Variants in CANT1 observed in about 807,000 individuals in gnomAD.
The protein encoded by CANT1 is calcium activated nucleotidase 1.
Under a neutral mutation model 30.0 loss-of-function variants are expected in CANT1, and 26 were observed. The ratio of observed to expected loss-of-function variants is 0.87; its 90% CI spans 0.64 to 1.20. The LOEUF (loss-of-function observed/expected upper bound fraction) is 1.20. CANT1 is among the 50% of genes most tolerant of loss of function. The probability of loss-of-function intolerance (pLI) is 0.00; values close to 1 mark genes in which losing one functional copy is unlikely to be tolerated. For synonymous variants in CANT1, 246 were observed against 251.8 expected (o/e 0.98, Z 0.22); for missense variants, 518 against 563.0 (o/e 0.92, Z 0.81).
Position 78,997,683 on chromosome 17 carries a change from C to A in CANT1, c.-22-39G>T. On this transcript the variant is annotated intron_variant, in intron 2 of 4. Coordinates refer to ENST00000392446, the MANE Select transcript of CANT1 (RefSeq NM_001159773.2). This position sits in a 1 kb window ranked among gnomAD's most constrained non-coding sequence, Gnocchi z 7.5. ...GAGGGAGGAGAGGAGTCAGCGCCTC[C>A]GCAAGCCCAGTCACATCTTAGTTCC... 6.8e-7 allele frequency: 1 copy of A among 1,478,310 alleles called. No homozygotes were observed. The highest frequency in any genetic ancestry group is 9.0e-7 in the Non-Finnish European group (1 of 1,111,098). 91.6% of individuals were successfully genotyped at this position (1,478,310 alleles called of 1,614,324 possible). A position where few individuals can be genotyped will look rare whatever the true frequency, so the allele number is the denominator to read the frequency against.
In CANT1 at chr17:78,997,429, G is replaced by A. The variant is rs200811852; in HGVS notation, c.194C>T (p.Ala65Val). The A allele has an allele frequency of 4.0e-4, 650 of 1,606,800 alleles. No homozygotes were observed. The African/African-American group carries it at 8.2e-3, about 20-fold the overall frequency. ...ILWLLCSHRP[A>V]PGRPPTHNAH... ...ATTGTGGGTGGGGGGCCTGCCGGGG[G>A]CCGGGCGGTGGGAGCAGAGCAGCCA... Residue 65 changes from alanine to valine, a missense_variant, in exon 3 of 5, where the codon GCC becomes GTC. Transcript: ENST00000392446. The surrounding 1 kb of genome is among the most constrained non-coding windows in gnomAD (Gnocchi z 7.5).
rs957308195 is a variant in CANT1, at chr17:78,997,908, C to T, written c.-91G>A. 1 of 383,546 alleles carries T rather than the reference C, an allele frequency of 2.6e-6. No individual in the cohort carries two copies. The highest frequency in any genetic ancestry group is 4.7e-6 in the Non-Finnish European group (1 of 213,354). 23.8% of individuals were successfully genotyped at this position (383,546 alleles called of 1,614,324 possible). On this transcript the variant is annotated 5_prime_UTR_variant, in exon 2 of 5. Transcript: ENST00000392446. The surrounding 1 kb of genome is among the most constrained non-coding windows in gnomAD (Gnocchi z 7.5). ...CCATCTCCCCTGTCCCAGCTGGCAACGTGGGAAGCTGAGTGAGGAAGGAAG... is the reference window on the plus strand; with the variant it reads ...CCATCTCCCCTGTCCCAGCTGGCAATGTGGGAAGCTGAGTGAGGAAGGAAG...
intron 1 of CANT1, among the ~76,000 whole-genome samples, chr17:79,009,070 G>A (rs929761439): frequency 3.3e-5 from 5 of 152,184 alleles, no homozygotes; most frequent in South Asian, 2.1e-4. Context: ...TTCCCAGGAG[G>A]GGTGCCCCAC....
At chr17:79,003,783 G>T (rs938486042) in intron 1 of CANT1, among the ~76,000 whole-genome samples, 8 of 151,204 alleles carry the variant, frequency 5.3e-5, no homozygotes, top group African/African-American at 1.9e-4. Context: ...GGGCCTACAG[G>T]GACAGGACCC....
chr17:78,992,990 T>C lies in CANT1; in HGVS notation c.*560A>G, dbSNP rs2070889737. The C allele has an allele frequency of 5.9e-6, 2 of 339,780 alleles. No homozygotes were observed. Among genetic ancestry groups the C allele is most frequent in the East Asian group, 9.2e-5 (2 of 21,636 alleles). The allele number at this position is 339,780 out of a possible 1,614,324, so 21.0% of individuals were successfully genotyped here. On this transcript the variant is annotated 3_prime_UTR_variant, in exon 5 of 5. Transcript: ENST00000392446. ...CAACAGATGTGCCTGCGCCCTGGCCTGTGCAGCTGTGGGCAGATGTGTCCC... is the reference window on the plus strand; with the variant it reads ...CAACAGATGTGCCTGCGCCCTGGCCCGTGCAGCTGTGGGCAGATGTGTCCC...
Position 78,996,186 on chromosome 17 carries a change from G to T in CANT1, c.631+806C>A, listed in dbSNP as rs780457938. Among the ~76,000 whole-genome samples the T allele has an allele frequency of 1.7e-4, 26 of 152,324 alleles. No homozygotes were observed. The highest frequency in any genetic ancestry group is 3.4e-3 in the Middle Eastern group (1 of 294). ...ACTGAAGATTTTATCACCGGGTGTGGGGAGGGCCTGGCCGGCCATGAACTG... is the reference window on the plus strand; with the variant it reads ...ACTGAAGATTTTATCACCGGGTGTGTGGAGGGCCTGGCCGGCCATGAACTG... On this transcript the variant is annotated intron_variant, in intron 3 of 4. Transcript: ENST00000392446. This position sits in a 1 kb window ranked among gnomAD's most constrained non-coding sequence, Gnocchi z 5.1.
chr17:78,997,182 C>T lies in CANT1; in HGVS notation c.441G>A (p.Trp147Ter). The change falls in exon 3 of 5, where the codon TGG (tryptophan) becomes TGA (stop). Residue 147 changes from tryptophan to a stop codon, truncating the protein, a stop_gained. Coordinates refer to ENST00000392446, the MANE Select transcript of CANT1 (RefSeq NM_001159773.2). LOFTEE classifies it high-confidence loss of function. This position sits in a 1 kb window ranked among gnomAD's most constrained non-coding sequence, Gnocchi z 7.5. ...SDSGDKVAVE[W>*]DKDHGVLESH... is the part of the protein sequence containing the mutation. ...ACTCCAGGACCCCATGGTCTTTGTC[C>T]CATTCCACGGCCACCTTGTCCCCAC... 1 of 1,614,206 alleles carries T rather than the reference C, an allele frequency of 6.2e-7. No individual in the cohort carries two copies. Among genetic ancestry groups the T allele is most frequent in the South Asian group, 1.1e-5 (1 of 91,090 alleles).
In CANT1 at chr17:78,998,951, A is replaced by G. The variant is rs573779560; in HGVS notation, c.-146-988T>C. Among the ~76,000 whole-genome samples the G allele has an allele frequency of 1.3e-5, 2 of 152,314 alleles. No homozygotes were observed. The highest frequency in any genetic ancestry group is 1.5e-5 in the Non-Finnish European group (1 of 68,018). On this transcript the variant is annotated intron_variant, in intron 1 of 4. Transcript: ENST00000392446. The surrounding 1 kb of genome is among the most constrained non-coding windows in gnomAD (Gnocchi z 4.5). ...CGCCTGGGAAGGGCTTGGGGACTCC[A>G]GTGGCTCCGTGCAATTCTGGGCCCC...
chr17:79,000,577 G>A (rs559303290), intron 1 of CANT1, among the ~76,000 whole-genome samples: 128 of 151,992 alleles, frequency 8.4e-4, no homozygotes, highest in African/African-American at 3.0e-3. Context: ...CAGCTTCAGC[G>A]GCTTCCTCAG....
At chr17:78,994,951 G>A in intron 4 of CANT1, 67 bp downstream of exon 4, 1 of 1,493,590 alleles carries the variant, frequency 6.7e-7, no homozygotes, top group African/African-American at 1.4e-5. Flanking sequence ...GCAAATGCAG[G>A]AGGAAGCAGG....
Position 78,996,914 on chromosome 17 carries a change from A to T in CANT1, c.631+78T>A. 1 of 1,582,298 alleles carries T rather than the reference A, an allele frequency of 6.3e-7. No individual in the cohort carries two copies. Among genetic ancestry groups the T allele is most frequent in the Non-Finnish European group, 8.6e-7 (1 of 1,159,812 alleles). ...CTTCTAGGTGTGTGAATTCTTTACC[A>T]TGTGCCTGTGTTTGCCAGCCAGGCC... On this transcript the variant is annotated intron_variant, in intron 3 of 4. Transcript: ENST00000392446. This position sits in a 1 kb window ranked among gnomAD's most constrained non-coding sequence, Gnocchi z 5.1.
In CANT1 at chr17:78,993,262, C is replaced by A; in HGVS notation, c.*288G>T. 6.1e-6 allele frequency: 3 copies of A among 490,612 alleles called. No individual in the cohort carries two copies. In the South Asian group the frequency reaches 6.4e-5, roughly 10 times the overall value. The allele number at this position is 490,612 out of a possible 1,614,324, so 30.4% of individuals were successfully genotyped here. ...AAAAGAACATAGGAAAGAAAAGAAA[C>A]GAGGTCGGATGGAAGAAACGACCCA... On this transcript the variant is annotated 3_prime_UTR_variant, in exon 5 of 5. Transcript: ENST00000392446. The surrounding 1 kb of genome is among the most constrained non-coding windows in gnomAD (Gnocchi z 4.5).
chr17:78,999,844 A>G (rs796344556), intron 1 of CANT1, among the ~76,000 whole-genome samples: 107 of 151,824 alleles, frequency 7.0e-4, no homozygotes, highest in African/African-American at 2.5e-3. Flanking sequence ...GTAGAGATGC[A>G]GTTTCTCCAT....
In CANT1 at chr17:78,992,368, G is replaced by A. The variant is rs551062453; in HGVS notation, c.*1182C>T. ...GGTAGTGCTGTGGGGAGGGCACTGT[G>A]AATGATGGAAACGTCCCTTCTCAGC... On this transcript the variant is annotated 3_prime_UTR_variant, in exon 5 of 5. Coordinates refer to ENST00000392446, the MANE Select transcript of CANT1 (RefSeq NM_001159773.2). 2.1e-4 allele frequency: 58 copies of A among 280,030 alleles called. No individual in the cohort carries two copies. Among genetic ancestry groups the A allele is most frequent in the Admixed American group, 2.8e-4 (6 of 21,322 alleles). 17.3% of individuals were successfully genotyped at this position (280,030 alleles called of 1,614,324 possible). A position where few individuals can be genotyped will look rare whatever the true frequency, so the allele number is the denominator to read the frequency against.
In CANT1 at chr17:78,995,079, G is replaced by T. The variant is rs964576797; in HGVS notation, c.774C>A (p.Asp258Glu). 1.2e-6 allele frequency: 2 copies of T among 1,609,254 alleles called. No homozygotes were observed. The highest frequency in any genetic ancestry group is 1.7e-6 in the Non-Finnish European group (2 of 1,177,996). ...TGTAGTTGGACACCCAGTTCTCGTG[G>T]TCCACGCTGCCCTTGTAGCCCACCA... ...VKVVGYKGSV[D>E]HENWVSNYNA... is the part of the protein sequence containing the mutation. The change falls in exon 4 of 5, where the codon GAC becomes GAA. Residue 258 changes from aspartate (D) to glutamate (E), a missense_variant. By Grantham distance (45) the Asp-to-Glu change is conservative. Coordinates refer to ENST00000392446, the MANE Select transcript of CANT1 (RefSeq NM_001159773.2). The surrounding 1 kb of genome is among the most constrained non-coding windows in gnomAD (Gnocchi z 5.7).
At position 78,995,247 on chromosome 17, in the gene CANT1, C is replaced by CCCGCACCCAGCTCCCG; in HGVS notation, c.632-42_632-27dup. ...CTGGCCAAGCAGAGTGTCCTTAGGC[C>CCCGCACCCAGCTCCCG]CCGCACCCAGCTCCCGCCGCACCCC... On this transcript the variant is annotated intron_variant, in intron 3 of 4. Transcript: ENST00000392446. The surrounding 1 kb of genome is among the most constrained non-coding windows in gnomAD (Gnocchi z 5.7). 1.2e-6 allele frequency: 2 copies of CCCGCACCCAGCTCCCG among 1,607,494 alleles called. No homozygotes were observed. Among genetic ancestry groups the CCCGCACCCAGCTCCCG allele is most frequent in the Non-Finnish European group, 1.7e-6 (2 of 1,177,874 alleles).
intron 1 of CANT1, among the ~76,000 whole-genome samples, chr17:79,004,285 G>T (rs2071398184): frequency 2.8e-5 from 1 of 36,154 alleles, no homozygotes; most frequent in Non-Finnish European, 6.0e-5. Flanking sequence ...TAGGGAGGGG[G>T]GAGTTAGGGA....
intron 1 of CANT1, among the ~76,000 whole-genome samples, chr17:79,000,778 C>A (rs1283234086): frequency 6.6e-6 from 1 of 152,224 alleles, no homozygotes; most frequent in Non-Finnish European, 1.5e-5. Flanking sequence ...TACGGGGCAT[C>A]AGCTCCCTGG....
In CANT1 at chr17:78,993,679, C is replaced by T; in HGVS notation, c.1077G>A (p.Val359=). The change falls in exon 5 of 5, where the codon GTG becomes GTA. Residue 359 remains valine, a synonymous_variant. Coordinates refer to ENST00000392446, the MANE Select transcript of CANT1 (RefSeq NM_001159773.2). The surrounding 1 kb of genome is among the most constrained non-coding windows in gnomAD (Gnocchi z 4.5). Reference sequence around the variant, plus strand: ...CGCTGTCCTCCTCGGATTTGAGGGCCACAATGATCTGGTCGTCGGTGTTGG... The same window carrying T: ...CGCTGTCCTCCTCGGATTTGAGGGCTACAATGATCTGGTCGTCGGTGTTGG... ...FIPNTDDQII[V]ALKSEEDSGR... 1 of 1,614,244 alleles carries T rather than the reference C, an allele frequency of 6.2e-7. No homozygotes were observed. The highest frequency in any genetic ancestry group is 8.5e-7 in the Non-Finnish European group (1 of 1,180,040).
Sources: allele counts gnomAD v4.1 joint callset (sites outside exome capture counted in the v4.1 genomes callset), GRCh38; gene constraint gnomAD v4.1.1; non-coding constraint Gnocchi (gnomAD v3.1); transcripts MANE v1.5; gene names NCBI Gene and HGNC (gene_info 2026-07-23, HGNC 2026-07-21).